ARHGAP15: variants seen among roughly 807,000 people sequenced by gnomAD.
ARHGAP15 encodes the protein rho GTPase-activating protein 15.
In ARHGAP15, 51 loss-of-function variants were observed where a neutral mutation model predicts 63.7. The observed-to-expected ratio is 0.80, with a 90% CI of 0.64 to 1.01. ARHGAP15 has a LOEUF of 1.01. ARHGAP15 is among the 50% of genes least tolerant of loss of function. The probability of loss-of-function intolerance (pLI) is 0.00; values close to 1 mark genes in which losing one functional copy is unlikely to be tolerated. For synonymous variants in ARHGAP15, 191 were observed against 193.8 expected, an observed-to-expected ratio of 0.99 and a Z score of 0.12; for missense variants, 560 against 564.6, an observed-to-expected ratio of 0.99 and a Z score of 0.08.
intron 8 of ARHGAP15, among the ~76,000 whole-genome samples, chr2:143,449,734 C>T (rs1354635838): frequency 6.6e-6 from 1 of 151,952 alleles, no homozygotes; most frequent in Non-Finnish European, 1.5e-5. Context: ...TCTGATTAAC[C>T]CTCTTAGTAG....
At chr2:143,487,828 G>T (rs1432753162) in intron 9 of ARHGAP15, among the ~76,000 whole-genome samples, 2 of 152,114 alleles carry the variant, frequency 1.3e-5, no homozygotes, top group African/African-American at 4.8e-5. Context: ...TCACAGCTGG[G>T]TTTTAGTAAG....
At chr2:143,518,213 C>T (rs1693905270) in intron 9 of ARHGAP15, among the ~76,000 whole-genome samples, 1 of 152,148 alleles carries the variant, frequency 6.6e-6, no homozygotes, top group Admixed American at 6.5e-5. Flanking sequence ...AAAAAACAAA[C>T]ATCTGTCTTT....
chr2:143,429,017 A>G (rs1689259838), intron 6 of ARHGAP15, among the ~76,000 whole-genome samples: 1 of 152,106 alleles, frequency 6.6e-6, no homozygotes, highest in African/African-American at 2.4e-5. Flanking sequence ...ATATCTTTAT[A>G]CACCAACTGC....
intron 6 of ARHGAP15, among the ~76,000 whole-genome samples, chr2:143,360,391 A>G (rs1056687649): frequency 6.7e-6 from 1 of 149,642 alleles, no homozygotes; most frequent in Admixed American, 6.6e-5. Context: ...TCTCAAAAAT[A>G]AAAAAGAACT....
intron 4 of ARHGAP15, among the ~76,000 whole-genome samples, chr2:143,222,384 A>T (rs570148808): frequency 6.6e-6 from 1 of 152,328 alleles, no homozygotes; most frequent in Admixed American, 6.5e-5. Context: ...AACCTCACAT[A>T]TATTTTCTTC....
intron 10 of ARHGAP15, among the ~76,000 whole-genome samples, chr2:143,545,078 G>T (rs1438379775): frequency 1.3e-5 from 2 of 152,194 alleles, no homozygotes; most frequent in African/African-American, 4.8e-5. Context: ...TTTTGTCTGT[G>T]ATCTAAATAG....
chr2:143,443,521 T>C (rs985334537), intron 8 of ARHGAP15, among the ~76,000 whole-genome samples: 9 of 152,028 alleles, frequency 5.9e-5, no homozygotes, highest in African/African-American at 1.9e-4. Flanking sequence ...TGAGCTAAAA[T>C]GTGGAAACAA....
At chr2:143,151,272 C>T (rs958268447) in intron 1 of ARHGAP15, among the ~76,000 whole-genome samples, 4 of 151,868 alleles carry the variant, frequency 2.6e-5, no homozygotes, top group African/African-American at 9.7e-5. Context: ...TTCATAAAGG[C>T]TAAAAAATAA....
chr2:143,374,733 G>A (rs1277379673), intron 6 of ARHGAP15, among the ~76,000 whole-genome samples: 1 of 152,012 alleles, frequency 6.6e-6, no homozygotes, highest in East Asian at 1.9e-4. Context: ...AACCTCCTGG[G>A]CTTAAGCAAT....
chr2:143,188,741 C>T (rs1691549943), intron 2 of ARHGAP15, among the ~76,000 whole-genome samples: 1 of 151,822 alleles, frequency 6.6e-6, no homozygotes, highest in Non-Finnish European at 1.5e-5. Context: ...TTGCCTCAGC[C>T]TCCTGAGTAG....
chr2:143,194,357 A>G (rs1691800843), intron 2 of ARHGAP15, among the ~76,000 whole-genome samples: 1 of 152,182 alleles, frequency 6.6e-6, no homozygotes, highest in Non-Finnish European at 1.5e-5. Context: ...GTAAGTGCTT[A>G]TATTATTGGG....
At chr2:143,505,250 C>T (rs543593472) in intron 9 of ARHGAP15, among the ~76,000 whole-genome samples, 26 of 152,324 alleles carry the variant, frequency 1.7e-4, no homozygotes, top group African/African-American at 5.8e-4. Context: ...TGAGATACTC[C>T]ATTCCTTCTC....
In ARHGAP15 at chr2:143,274,645, C is replaced by T. The variant is rs151227728; in HGVS notation, c.474+24045C>T. Among the ~76,000 whole-genome samples, 208 of 152,284 alleles carry T rather than the reference C, an allele frequency of 1.4e-3. 1 individual carries two copies. The Middle Eastern group carries it at 0.017, about 12-fold the overall frequency. On this transcript the variant is annotated intron_variant, in intron 6 of 13. Coordinates refer to ENST00000295095, the MANE Select transcript of ARHGAP15 (RefSeq NM_018460.4). ...TTCCACAGCACAATCTAATAACTGT[C>T]TCATGTTACCATACAATTGATTGGG...
intron 11 of ARHGAP15, among the ~76,000 whole-genome samples, chr2:143,600,131 C>T (rs947599155): frequency 6.6e-6 from 1 of 152,102 alleles, no homozygotes; most frequent in Non-Finnish European, 1.5e-5. Flanking sequence ...TTTTTCTTGT[C>T]GGCCTGATTT....
At chr2:143,372,196 G>A (rs977017913) in intron 6 of ARHGAP15, among the ~76,000 whole-genome samples, 1 of 151,452 alleles carries the variant, frequency 6.6e-6, no homozygotes, top group Non-Finnish European at 1.5e-5. Flanking sequence ...GAAAAAAATA[G>A]CCAGGCATGG....
intron 6 of ARHGAP15, among the ~76,000 whole-genome samples, chr2:143,272,146 TAAAAAGG>T (rs1347632390): frequency 1.3e-5 from 2 of 152,126 alleles, no homozygotes; most frequent in Non-Finnish European, 2.9e-5. Flanking sequence ...GAAGATGGGA[TAAAAAGG>T]AATGTGAATG....
At chr2:143,322,138 T>TGAGGCC (rs531166112) in intron 6 of ARHGAP15, among the ~76,000 whole-genome samples, 20 of 152,196 alleles carry the variant, frequency 1.3e-4, no homozygotes, top group Admixed American at 3.3e-4. Context: ...ACAGTTCCAA[T>TGAGGCC]GAGGCCGCTC....
intron 13 of ARHGAP15, among the ~76,000 whole-genome samples, chr2:143,726,412 G>GA (rs1259942725): frequency 7.1e-6 from 1 of 141,324 alleles, no homozygotes. Context: ...TACTCTGCCT[G>GA]AAAAAAACAA....
At chr2:143,386,417 A>G (rs908916908) in intron 6 of ARHGAP15, among the ~76,000 whole-genome samples, 14 of 152,064 alleles carry the variant, frequency 9.2e-5, no homozygotes, top group South Asian at 2.1e-4. Flanking sequence ...CAGTGGGGGG[A>G]AAAAACGAGA....
Sources: allele counts gnomAD v4.1 joint callset (sites outside exome capture counted in the v4.1 genomes callset), GRCh38; gene constraint gnomAD v4.1.1; transcripts MANE v1.5; gene names NCBI Gene and HGNC (gene_info 2026-07-23, HGNC 2026-07-21).